The following PPP1R12B variants were observed in gnomAD, a reference collection of about 807,000 sequenced individuals.
PPP1R12B encodes the protein myosin phosphatase target subunit 2.
In PPP1R12B, 76 loss-of-function variants were observed where a neutral mutation model predicts 126.1. The ratio of observed to expected loss-of-function variants is 0.60; its 90% confidence interval spans 0.50 to 0.73. The LOEUF (loss-of-function observed/expected upper bound fraction) is 0.73, where lower values mean the gene tolerates loss of function less well. Ranked by LOEUF, PPP1R12B falls within the 30% of genes least tolerant of loss-of-function variation. The pLI is 0.00. For synonymous variants in PPP1R12B, 356 were observed against 434.7 expected (o/e 0.82, Z 2.25); for missense variants, 1,052 against 1,205.1 (o/e 0.87, Z 1.88).
intron 5 of PPP1R12B, 40 bp downstream of exon 5, chr1:202,427,224 T>C: frequency 6.2e-7 from 1 of 1,608,970 alleles, no homozygotes; most frequent in South Asian, 1.1e-5. Context: ...ACGAGATTGG[T>C]GGCTGGGTCT....
intron 1 of PPP1R12B, among the ~76,000 whole-genome samples, chr1:202,401,309 C>T (rs940034132): frequency 1.3e-5 from 2 of 151,012 alleles, no homozygotes; most frequent in African/African-American, 4.9e-5. Context: ...TTCATCTCAG[C>T]CTCCCGAGTA....
intron 18 of PPP1R12B, among the ~76,000 whole-genome samples, chr1:202,546,563 C>T (rs763309388): frequency 1.3e-5 from 2 of 151,854 alleles, no homozygotes; most frequent in South Asian, 2.1e-4. Context: ...ATGATTGCAC[C>T]ACTGCACTCC....
At chr1:202,459,536 T>C (rs1674050672) in intron 13 of PPP1R12B, among the ~76,000 whole-genome samples, 3 of 152,128 alleles carry the variant, frequency 2.0e-5, no homozygotes, top group South Asian at 2.1e-4. Context: ...TTCCTTTTTT[T>C]CCCCCCTGAA....
At chr1:202,396,871 C>T (rs1665062684) in intron 1 of PPP1R12B, among the ~76,000 whole-genome samples, 1 of 152,178 alleles carries the variant, frequency 6.6e-6, no homozygotes, top group Admixed American at 6.5e-5. Context: ...GAGGCATTCT[C>T]TTTTCCTTCC....
At chr1:202,421,282 GGC>G (rs1178627280) in intron 2 of PPP1R12B, among the ~76,000 whole-genome samples, 3 of 151,136 alleles carry the variant, frequency 2.0e-5, no homozygotes. Context: ...AGTGGCCAGT[GGC>G]CATATATTAT....
Position 202,588,235 on chromosome 1 carries a change from C to T in PPP1R12B, c.*7675C>T, listed in dbSNP as rs76215887. Reference sequence around the variant, plus strand: ...TTGTGTCTTTACTCCACCCTTCACCCTAGTTCCACCAAGGTTCACACACCA... The same window carrying T: ...TTGTGTCTTTACTCCACCCTTCACCTTAGTTCCACCAAGGTTCACACACCA... On this transcript the variant is annotated 3_prime_UTR_variant, in exon 24 of 24. Coordinates refer to ENST00000608999, the MANE Select transcript of PPP1R12B (RefSeq NM_002481.4). 0.039 allele frequency: 5,938 copies of T among 152,732 alleles called. 140 individuals carry two copies. Among genetic ancestry groups the T allele is most frequent in the East Asian group, 0.067 (349 of 5,174 alleles). The allele number at this position is 152,732 out of a possible 1,614,324, so 9.5% of individuals were successfully genotyped here.
At chr1:202,430,937 G>GA (rs1396034470) in intron 7 of PPP1R12B, 127 bp downstream of exon 7, 12 of 1,349,972 alleles carry the variant, frequency 8.9e-6, no homozygotes, top group Non-Finnish European at 1.2e-5. Context: ...AAACTTGTGG[G>GA]AAACTTGTGG....
intron 1 of PPP1R12B, among the ~76,000 whole-genome samples, chr1:202,411,606 C>T (rs1268108555): frequency 6.6e-6 from 1 of 150,852 alleles, no homozygotes; most frequent in Non-Finnish European, 1.5e-5. Context: ...TTTTTTTTTC[C>T]CCTTGAGGCA....
At chr1:202,575,020 C>T in intron 23 of PPP1R12B, 7 of 1,612,624 alleles carry the variant, frequency 4.3e-6, no homozygotes, top group Admixed American at 3.3e-5. Flanking sequence ...CCAGCTAAAA[C>T]AGATTCAAAC....
Position 202,374,559 on chromosome 1 carries a change from G to A in PPP1R12B, c.291+25417G>A, listed in dbSNP as rs527646143. On this transcript the variant is annotated intron_variant, in intron 1 of 23. Transcript: ENST00000608999. ...GTCACCCAGGCTGGAGTGCAGTGGC[G>A]CAATCTCGGCTCACTTGCAACCTCC... Among the ~76,000 whole-genome samples the A allele has an allele frequency of 2.0e-5, 3 of 147,008 alleles. No homozygotes were observed. In the South Asian group the frequency reaches 6.5e-4, roughly 32 times the overall value.
Position 202,438,893 on chromosome 1 carries a change from C to G in PPP1R12B, c.1458+869C>G, listed in dbSNP as rs571052930. On this transcript the variant is annotated intron_variant, in intron 10 of 23. Coordinates refer to ENST00000608999, the MANE Select transcript of PPP1R12B (RefSeq NM_002481.4). ...ATAGCCCCCAGGGCAGGAGCCCATA[C>G]ATCCACCGCACGCGGCCCTGTGCCT... The G allele has an allele frequency of 8.9e-5, 130 of 1,459,716 alleles. No homozygotes were observed. In the African/African-American group the frequency reaches 1.4e-3, roughly 16 times the overall value. The allele number at this position is 1,459,716 out of a possible 1,614,324, so 90.4% of individuals were successfully genotyped here. A position where few individuals can be genotyped will look rare whatever the true frequency, so the allele number is the denominator to read the frequency against.
chr1:202,565,521 A>G lies in PPP1R12B; in HGVS notation c.2757+974A>G, dbSNP rs1189170048. 6.6e-6 allele frequency among the ~76,000 whole-genome samples: 1 copy of G among 152,146 alleles called. No individual in the cohort carries two copies. The highest frequency in any genetic ancestry group is 1.9e-4 in the East Asian group (1 of 5,196). Reference sequence around the variant, plus strand: ...GATTACCCTCTAAACATCCTATTCTAACCCCTCTGGAATTGCATGAGCAGG... The same window carrying G: ...GATTACCCTCTAAACATCCTATTCTGACCCCTCTGGAATTGCATGAGCAGG... On this transcript the variant is annotated intron_variant, in intron 21 of 23. Transcript: ENST00000608999. The surrounding 1 kb of genome is among the most constrained non-coding windows in gnomAD (Gnocchi z 4.3).
intron 13 of PPP1R12B, among the ~76,000 whole-genome samples, chr1:202,479,047 T>G (rs1202478761): frequency 6.6e-6 from 1 of 152,176 alleles, no homozygotes; most frequent in African/African-American, 2.4e-5. Flanking sequence ...TAGACAGAAA[T>G]TCATGGGAAG....
intron 13 of PPP1R12B, among the ~76,000 whole-genome samples, chr1:202,461,346 C>T (rs2148757293): frequency 6.6e-6 from 1 of 152,188 alleles, no homozygotes; most frequent in Admixed American, 6.5e-5. Flanking sequence ...AAATAATTTA[C>T]GAGTAACCTA....
At chr1:202,552,235 A>G (rs1189136932) in intron 18 of PPP1R12B, among the ~76,000 whole-genome samples, 3 of 152,316 alleles carry the variant, frequency 2.0e-5, no homozygotes, top group African/African-American at 7.2e-5. Flanking sequence ...CCACCCTCAC[A>G]TTTATTTCCA....
chr1:202,475,382 G>T (rs1454671010), intron 13 of PPP1R12B, among the ~76,000 whole-genome samples: 1 of 152,234 alleles, frequency 6.6e-6, no homozygotes, highest in Non-Finnish European at 1.5e-5. Context: ...CAAGAATGGA[G>T]TGTTGATTAT....
intron 1 of PPP1R12B, among the ~76,000 whole-genome samples, chr1:202,374,747 C>T (rs554133996): frequency 1.0e-3 from 156 of 151,646 alleles, no homozygotes; most frequent in African/African-American, 3.4e-3. Context: ...GCAGTCTGCC[C>T]GCCTGGTCTC....
chr1:202,548,767 T>A (rs1234619372), intron 18 of PPP1R12B, among the ~76,000 whole-genome samples: 1 of 126,984 alleles, frequency 7.9e-6, no homozygotes, highest in African/African-American at 2.8e-5. Flanking sequence ...GCTCGCTCAC[T>A]CGCTCGCTGT....
chr1:202,495,435 C>T lies in PPP1R12B; in HGVS notation c.2288C>T (p.Ser763Leu), dbSNP rs769637664. 67 of 1,609,632 alleles carry T rather than the reference C, an allele frequency of 4.2e-5. No individual in the cohort carries two copies. The East Asian group carries it at 1.5e-3, about 35-fold the overall frequency. ...NRFSVPDSESSETTTNTTTAK... is the reference protein window; with the variant it reads ...NRFSVPDSESLETTTNTTTAK... ...TTTTCAGTCCCTGATTCTGAGAGTT[C>T]AGAGACTACCACAAACACTACAACT... Residue 763 changes from serine to leucine, a missense_variant, in exon 16 of 24, where the codon TCA (serine) becomes TTA (leucine). Physicochemically the swap from Ser to Leu is moderately radical, Grantham distance 145. Coordinates refer to ENST00000608999, the MANE Select transcript of PPP1R12B (RefSeq NM_002481.4).
Sources: allele counts gnomAD v4.1 joint callset (sites outside exome capture counted in the v4.1 genomes callset), GRCh38; gene constraint gnomAD v4.1.1; non-coding constraint Gnocchi (gnomAD v3.1); transcripts MANE v1.5; gene names NCBI Gene and HGNC (gene_info 2026-07-23, HGNC 2026-07-21).